The following GLT8D1 variants were observed in gnomAD, a reference collection of about 807,000 sequenced individuals.
The protein encoded by GLT8D1 is glycosyltransferase 8 domain-containing protein 1.
In GLT8D1, 41 loss-of-function variants were observed where a neutral mutation model predicts 46.2. That is an observed-to-expected ratio of 0.89 (90% CI 0.69 to 1.15). GLT8D1 has a LOEUF of 1.15. Among genes scored for constraint, GLT8D1 ranks in the 50% most tolerant of loss-of-function variants. GLT8D1 has a pLI of 0.00. For missense variants in GLT8D1, 408 were observed against 449.3 expected (o/e 0.91, Z 0.83); for synonymous variants, 150 against 154.2 (o/e 0.97, Z 0.20).
rs745436133 is a variant in GLT8D1 at position 52,694,795 on chromosome 3, T to TATC, written c.*47_*49dup. Reference sequence around the variant, plus strand: ...AGCAACTGTTACTTCCCACGCATGCTATCTTCCAGGACTTCCTGAGAAATG... The same window carrying TATC: ...AGCAACTGTTACTTCCCACGCATGCTATCATCTTCCAGGACTTCCTGAGAAATG... On this transcript the variant is annotated 3_prime_UTR_variant, in exon 10 of 10. Coordinates refer to ENST00000266014, the MANE Select transcript of GLT8D1 (RefSeq NM_018446.4). The TATC allele has an allele frequency of 2.3e-6, 3 of 1,291,906 alleles. No individual in the cohort carries two copies. The highest frequency in any genetic ancestry group is 2.3e-5 in the East Asian group (1 of 43,506). The allele number at this position is 1,291,906 out of a possible 1,614,324, so 80.0% of individuals were successfully genotyped here.
chr3:52,705,728 G>A lies in GLT8D1; in HGVS notation c.-318C>T. ...CCTCTAGCTCCGTGGCAGCCGCGCA[G>A]CCCCACTACGCCCAGCCAGCCCGCA... On this transcript the variant is annotated 5_prime_UTR_variant, in exon 1 of 10. Coordinates refer to ENST00000266014, the MANE Select transcript of GLT8D1 (RefSeq NM_018446.4). The A allele has an allele frequency of 1.4e-6, 1 of 715,486 alleles. No homozygotes were observed. Among genetic ancestry groups the A allele is most frequent in the Non-Finnish European group, 1.9e-6 (1 of 530,742 alleles). The allele number at this position is 715,486 out of a possible 1,614,324, so 44.3% of individuals were successfully genotyped here.
chr3:52,698,002 A>G, intron 3 of GLT8D1, 68 bp from the exon 4 acceptor site: 1 of 968,296 alleles, frequency 1.0e-6, no homozygotes, highest in South Asian at 1.3e-5. Context: ...CAAGACATGG[A>G]AAAAGGGAAG....
Position 52,700,257 on chromosome 3 carries a change from C to A in GLT8D1, c.115+5G>T. ...CTAAGGCATTATTAATAAGTGCTCG[C>A]ATACCTGTAACCTCATTCCTTAACA... On this transcript the variant is annotated splice_donor_5th_base_variant and intron_variant, in intron 3 of 9. Transcript: ENST00000266014. 6.3e-7 allele frequency: 1 copy of A among 1,585,254 alleles called. No individual in the cohort carries two copies. Among genetic ancestry groups the A allele is most frequent in the East Asian group, 2.2e-5 (1 of 44,714 alleles).
intron 3 of GLT8D1, among the ~76,000 whole-genome samples, chr3:52,698,413 A>G (rs13081155): frequency 0.52 from 78,348 of 151,972 alleles, 20,511 homozygotes; most frequent in Admixed American, 0.6. Flanking sequence ...CGGGCATGGT[A>G]GGTCACGCCT....
At chr3:52,699,005 G>A (rs970814348) in intron 3 of GLT8D1, among the ~76,000 whole-genome samples, 1 of 151,614 alleles carries the variant, frequency 6.6e-6, no homozygotes, top group African/African-American at 2.4e-5. Context: ...GTTATCCTGT[G>A]GAAACAAATT....
At chr3:52,697,639 C>T in intron 4 of GLT8D1, 82 bp downstream of exon 4, 1 of 920,656 alleles carries the variant, frequency 1.1e-6, no homozygotes, top group Non-Finnish European at 1.8e-6. Flanking sequence ...AACATACAAA[C>T]CACAGAAAAA....
Position 52,700,352 on chromosome 3 carries a change from T to C in GLT8D1, c.25A>G (p.Ile9Val), listed in dbSNP as rs758015662. 6.2e-7 allele frequency: 1 copy of C among 1,612,236 alleles called. No homozygotes were observed. Among genetic ancestry groups the C allele is most frequent in the Non-Finnish European group, 8.5e-7 (1 of 1,178,422 alleles). Residue 9 changes from isoleucine to valine, a missense_variant, in exon 3 of 10, where the codon ATC (isoleucine) becomes GTC (valine). Coordinates refer to ENST00000266014, the MANE Select transcript of GLT8D1 (RefSeq NM_018446.4). Reference sequence around the variant, plus strand: ...AGAGCAACAGCCAGGACCAAGATGATGATGTTTACTGAAATAGATAGGGAA... The same window carrying C: ...AGAGCAACAGCCAGGACCAAGATGACGATGTTTACTGAAATAGATAGGGAA... MSFRKVNI[I>V]ILVLAVALFL...
chr3:52,695,211 T>A lies in GLT8D1; in HGVS notation c.904A>T (p.Met302Leu). ...FYQQHSTIDPMWNVRHLGSSA... is the reference protein window; with the variant it reads ...FYQQHSTIDPLWNVRHLGSSA... ...TTACCAAGGTGGCGGACATTCCACA[T>A]AGGATCGATGGTAGAGTGCTGTTGA... Residue 302 changes from methionine (M) to leucine (L), a missense_variant, in exon 9 of 10, where the codon ATG (methionine) becomes TTG (leucine). Coordinates refer to ENST00000266014, the MANE Select transcript of GLT8D1 (RefSeq NM_018446.4). The A allele has an allele frequency of 6.2e-7, 1 of 1,612,876 alleles. No homozygotes were observed. The highest frequency in any genetic ancestry group is 1.1e-5 in the South Asian group (1 of 91,044).
At chr3:52,701,666 C>CA (rs1028870015) in intron 1 of GLT8D1, among the ~76,000 whole-genome samples, 3 of 151,950 alleles carry the variant, frequency 2.0e-5, no homozygotes, top group African/African-American at 7.2e-5. Flanking sequence ...CACGCCCGGC[C>CA]AAAAAAACAT....
In GLT8D1 at chr3:52,696,314, G is replaced by A. The variant is rs1243805482; in HGVS notation, c.452C>T (p.Thr151Ile). Reference protein sequence around the residue: ...PDQGESMKPLTFARFYLPILV... With the variant: ...PDQGESMKPLIFARFYLPILV... ...AATTGGCAAGTAGAACCTTGCAAAG[G>A]TTAACTGGAAAAGGAAAGAATAATT... Residue 151 changes from threonine (T) to isoleucine (I), a missense_variant, in exon 6 of 10, where the codon ACC (threonine) becomes ATC (isoleucine). Coordinates refer to ENST00000266014, the MANE Select transcript of GLT8D1 (RefSeq NM_018446.4). 1 of 1,604,246 alleles carries A rather than the reference G, an allele frequency of 6.2e-7. No individual in the cohort carries two copies. Among genetic ancestry groups the A allele is most frequent in the Non-Finnish European group, 8.5e-7 (1 of 1,170,998 alleles).
Position 52,696,035 on chromosome 3 carries a change from T to A in GLT8D1, c.538A>T (p.Ile180Phe). The A allele has an allele frequency of 6.3e-7, 1 of 1,580,384 alleles. No individual in the cohort carries two copies. Among genetic ancestry groups the A allele is most frequent in the South Asian group, 1.1e-5 (1 of 90,194 alleles). Residue 180 changes from isoleucine (I) to phenylalanine (F), a missense_variant, in exon 7 of 10, where the codon ATT becomes TTT. Ile to Phe is a conservative substitution (Grantham distance 21). Transcript: ENST00000266014. ...MDDDVIVQGDILALYNTALKP... is the reference protein window; with the variant it reads ...MDDDVIVQGDFLALYNTALKP... ...AGTGCTGTATTGTAAAGGGCAAGAA[T>A]ATCACCTGAAATAGACAAGATGTTA...
chr3:52,704,211 C>A (rs1039645921), intron 1 of GLT8D1, among the ~76,000 whole-genome samples: 1 of 151,918 alleles, frequency 6.6e-6, no homozygotes, highest in Admixed American at 6.6e-5. Flanking sequence ...GTAATCCCAG[C>A]ACTTTGGAAG....
chr3:52,695,891 A>C, intron 7 of GLT8D1, 37 bp downstream of exon 7: 1 of 1,187,164 alleles, frequency 8.4e-7, no homozygotes, highest in South Asian at 1.2e-5. Context: ...CCATTAAACA[A>C]TATTGTAGGA....
intron 1 of GLT8D1, 58 bp from the exon 2 acceptor site, chr3:52,700,554 T>A: frequency 5.6e-6 from 4 of 718,612 alleles, no homozygotes; most frequent in Non-Finnish European, 7.0e-6. Flanking sequence ...GACATCAAAA[T>A]GCCCTAACAC....
At chr3:52,705,287 TGA>T (rs757034112) in intron 1 of GLT8D1, 158 bp downstream of exon 1, 7 of 152,336 alleles carry the variant, frequency 4.6e-5, no homozygotes, top group Non-Finnish European at 8.8e-5. Flanking sequence ...GGCCACAATG[TGA>T]GAGGGCTGAG....
At position 52,695,854 on chromosome 3, in the gene GLT8D1, A is replaced by G. The variant is rs945208799; in HGVS notation, c.645+74T>C. ...ATTGGGGAGTGTAAATTGCAGCAAAAGAGTTCCCTGAATTTGCAACCTCTT... is the reference window on the plus strand; with the variant it reads ...ATTGGGGAGTGTAAATTGCAGCAAAGGAGTTCCCTGAATTTGCAACCTCTT... On this transcript the variant is annotated intron_variant, in intron 7 of 9. Transcript: ENST00000266014. The G allele has an allele frequency of 4.6e-6, 4 of 868,488 alleles. No individual in the cohort carries two copies. The African/African-American group carries it at 6.6e-5, about 14-fold the overall frequency. 53.8% of individuals were successfully genotyped at this position (868,488 alleles called of 1,614,324 possible).
intron 1 of GLT8D1, among the ~76,000 whole-genome samples, chr3:52,704,458 CAAAAAAAA>C (rs60851820): frequency 1.9e-5 from 1 of 53,558 alleles, no homozygotes; most frequent in Admixed American, 2.5e-4. Flanking sequence ...GTCTTCGCCT[CAAAAAAAA>C]AAAAAAAAAA....
rs1490811906 is a variant in GLT8D1, at chr3:52,696,607, A to C, written c.382T>G (p.Phe128Val). 1.2e-6 allele frequency: 2 copies of C among 1,612,060 alleles called. No individual in the cohort carries two copies. The highest frequency in any genetic ancestry group is 2.2e-5 in the South Asian group (2 of 91,038). The change falls in exon 5 of 10, where the codon TTT becomes GTT. Residue 128 changes from phenylalanine (F) to valine (V), a missense_variant. By Grantham distance (50) the Phe-to-Val change is conservative. Coordinates refer to ENST00000266014, the MANE Select transcript of GLT8D1 (RefSeq NM_018446.4). ...TTTCCTTCCAAAAGTTTAGGGTCAA[A>C]ATTGACAATTTTGTATCTGATGCTT... The part of the protein sequence containing the change: ...LKSIRYKIVN[F>V]DPKLLEGKVK...
chr3:52,695,597 C>CAAAT lies in GLT8D1; in HGVS notation c.646-14_646-11dup. ...AGCCAATGTAATTGTACTAAAAACA[C>CAAAT]AAATAGGATATATGTACTTACTGCT... On this transcript the variant is annotated splice_polypyrimidine_tract_variant and intron_variant, in intron 7 of 9. Coordinates refer to ENST00000266014, the MANE Select transcript of GLT8D1 (RefSeq NM_018446.4). 6.6e-7 allele frequency: 1 copy of CAAAT among 1,517,854 alleles called. No individual in the cohort carries two copies. Among genetic ancestry groups the CAAAT allele is most frequent in the Non-Finnish European group, 9.1e-7 (1 of 1,093,788 alleles). The allele number at this position is 1,517,854 out of a possible 1,614,324, so 94.0% of individuals were successfully genotyped here.
Sources: allele counts gnomAD v4.1 joint callset (sites outside exome capture counted in the v4.1 genomes callset), GRCh38; gene constraint gnomAD v4.1.1; transcripts MANE v1.5; gene names NCBI Gene and HGNC (gene_info 2026-07-23, HGNC 2026-07-21).